The following PSD3 variants were observed in gnomAD, a reference collection of about 807,000 sequenced individuals.
PSD3 encodes the protein pleckstrin and Sec7 domain containing 3, also known as PH and SEC7 domain-containing protein 3.
Under a neutral mutation model 105.5 loss-of-function variants are expected in PSD3, and 49 were observed. The observed-to-expected ratio is 0.46, with a 90% CI of 0.37 to 0.59. The LOEUF (loss-of-function observed/expected upper bound fraction) is 0.59. PSD3 is among the 20% of genes least tolerant of loss of function. The pLI is 0.00. For synonymous variants in PSD3, 557 were observed against 457.8 expected (o/e 1.22, Z -2.77); for missense variants, 1,561 against 1,263.8 (o/e 1.24, Z -3.57).
At chr8:18,540,272 G>T (rs987930742) in intron 15 of PSD3, among the ~76,000 whole-genome samples, 2 of 152,212 alleles carry the variant, frequency 1.3e-5, no homozygotes, top group Non-Finnish European at 2.9e-5. Context: ...ACACTTAACG[G>T]ATGACTGTAT....
chr8:18,557,460 T>C (rs905609578), intron 14 of PSD3: 1 of 154,180 alleles, frequency 6.5e-6, no homozygotes, highest in African/African-American at 2.4e-5. Flanking sequence ...TCACATATAA[T>C]ATCTTACGGA....
At chr8:18,694,929 T>C (rs1161986426) in intron 9 of PSD3, among the ~76,000 whole-genome samples, 1 of 152,102 alleles carries the variant, frequency 6.6e-6, no homozygotes, top group Non-Finnish European at 1.5e-5. Flanking sequence ...AGCATAAAAA[T>C]ACTAACTCTT....
chr8:19,031,275 T>A (rs904124223), intron 1 of PSD3, among the ~76,000 whole-genome samples: 1 of 152,218 alleles, frequency 6.6e-6, no homozygotes, highest in African/African-American at 2.4e-5. Flanking sequence ...GTGGGATGAT[T>A]ACTTCCGTTG....
At chr8:19,083,352 G>C (rs1199891813) in intron 1 of PSD3, among the ~76,000 whole-genome samples, 1 of 152,208 alleles carries the variant, frequency 6.6e-6, no homozygotes, top group Non-Finnish European at 1.5e-5. Context: ...ACAACGGGAA[G>C]GCTGGGCCAG....
chr8:18,882,593 G>C (rs559497514), intron 2 of PSD3, among the ~76,000 whole-genome samples: 1 of 152,116 alleles, frequency 6.6e-6, no homozygotes, highest in Non-Finnish European at 1.5e-5. Context: ...CTAGAATTCA[G>C]CATGATCCTA....
chr8:18,661,893 A>C (rs1019874548), intron 9 of PSD3, among the ~76,000 whole-genome samples: 1 of 152,226 alleles, frequency 6.6e-6, no homozygotes, highest in Non-Finnish European at 1.5e-5. Context: ...CACATGCCCA[A>C]GTTTAAAGAG....
At chr8:19,060,874 C>A (rs962562789) in intron 1 of PSD3, among the ~76,000 whole-genome samples, 4 of 152,218 alleles carry the variant, frequency 2.6e-5, no homozygotes, top group African/African-American at 2.4e-5. Flanking sequence ...TGGCAAGTGG[C>A]TTTGACGGTG....
At chr8:18,846,183 G>GT (rs1563339218) in intron 4 of PSD3, among the ~76,000 whole-genome samples, 1 of 152,154 alleles carries the variant, frequency 6.6e-6, no homozygotes, top group Non-Finnish European at 1.5e-5. Flanking sequence ...GTGTTTGACC[G>GT]TATCAGTAGC....
chr8:19,055,220 C>T (rs1828668497), intron 1 of PSD3, among the ~76,000 whole-genome samples: 1 of 152,176 alleles, frequency 6.6e-6, no homozygotes, highest in South Asian at 2.1e-4. Flanking sequence ...GCAGTTCATA[C>T]AAAACTAATG....
chr8:18,592,191 T>C (rs1187966163), intron 12 of PSD3, among the ~76,000 whole-genome samples: 1 of 151,638 alleles, frequency 6.6e-6, no homozygotes, highest in Non-Finnish European at 1.5e-5. Flanking sequence ...GAGAAAATAT[T>C]TAAGGGAACT....
intron 4 of PSD3, among the ~76,000 whole-genome samples, chr8:18,841,300 C>G: frequency 6.6e-6 from 1 of 152,128 alleles, no homozygotes; most frequent in East Asian, 1.9e-4. Flanking sequence ...GTATTCTCAG[C>G]GAGGGCAGCC....
intron 1 of PSD3, among the ~76,000 whole-genome samples, chr8:19,082,677 A>G (rs1829679819): frequency 6.6e-6 from 1 of 152,168 alleles, no homozygotes; most frequent in African/African-American, 2.4e-5. Flanking sequence ...GCTTCAGCTT[A>G]TCCCCCGAAG....
intron 14 of PSD3, among the ~76,000 whole-genome samples, chr8:18,559,655 T>C (rs1801277220): frequency 6.6e-6 from 1 of 152,152 alleles, no homozygotes; most frequent in African/African-American, 2.4e-5. Context: ...TTTGGATCTA[T>C]GCAAATATGC....
chr8:18,894,298 TAAGATTAA>T (rs1342920972), intron 2 of PSD3, among the ~76,000 whole-genome samples: 1 of 152,216 alleles, frequency 6.6e-6, no homozygotes, highest in African/African-American at 2.4e-5. Context: ...CGGGTTTTTG[TAAGATTAA>T]AATGACAGAA....
chr8:18,941,880 C>T (rs970337191), intron 1 of PSD3, among the ~76,000 whole-genome samples: 20 of 151,912 alleles, frequency 1.3e-4, no homozygotes, highest in Admixed American at 2.0e-4. Context: ...ACCATGCTGG[C>T]CAGGCTAGTC....
At chr8:18,687,152 G>A (rs748652092) in intron 9 of PSD3, among the ~76,000 whole-genome samples, 8 of 152,116 alleles carry the variant, frequency 5.3e-5, no homozygotes, top group African/African-American at 9.7e-5. Flanking sequence ...CGGCTCTCAC[G>A]TCATTCAACT....
chr8:19,005,251 A>G (rs1374903588), intron 1 of PSD3, among the ~76,000 whole-genome samples: 1 of 152,060 alleles, frequency 6.6e-6, no homozygotes, highest in African/African-American at 2.4e-5. Flanking sequence ...TCAATGGCAT[A>G]CTATTCAGCA....
chr8:18,756,983 T>G (rs561446623), intron 9 of PSD3, among the ~76,000 whole-genome samples: 7 of 143,784 alleles, frequency 4.9e-5, no homozygotes, highest in African/African-American at 1.8e-4. Flanking sequence ...TCATATTTAA[T>G]TCTCCTAACC....
chr8:18,953,327 TG>T (rs1823362263), intron 1 of PSD3, among the ~76,000 whole-genome samples: 1 of 152,184 alleles, frequency 6.6e-6, no homozygotes, highest in African/African-American at 2.4e-5. Context: ...TGTGTGTGTG[TG>T]TGTGTATGTA....
Sources: gnomAD v4.1 joint callset for allele counts (sites outside exome capture counted in the v4.1 genomes callset) on GRCh38, gnomAD v4.1.1 for gene constraint, MANE v1.5 for transcripts, NCBI Gene and HGNC (gene_info 2026-07-23, HGNC 2026-07-21) for gene names.